The following P2RX7 variants were observed in gnomAD, a reference collection of about 807,000 sequenced individuals.
P2RX7 encodes the protein purinergic receptor P2X 7.
Under a neutral mutation model 71.6 loss-of-function variants are expected in P2RX7, and 62 were observed. The observed-to-expected ratio is 0.87, with a 90% CI of 0.71 to 1.07. P2RX7 has a LOEUF of 1.07. P2RX7 is among the 50% of genes least tolerant of loss of function. P2RX7 has a pLI of 0.00. For missense variants in P2RX7, 686 were observed against 748.5 expected (o/e 0.92, Z 0.97); for synonymous variants, 299 against 283.3 (o/e 1.06, Z -0.56).
At chr12:121,178,902 A>G (rs1246127487) in intron 11 of P2RX7, among the ~76,000 whole-genome samples, 1 of 151,962 alleles carries the variant, frequency 6.6e-6, no homozygotes, top group Admixed American at 6.6e-5. Flanking sequence ...TATGATATAT[A>G]GGTTAAAAAA....
chr12:121,177,687 C>CAGTT (rs1883390973), intron 11 of P2RX7, among the ~76,000 whole-genome samples: 1 of 142,340 alleles, frequency 7.0e-6, no homozygotes, highest in Non-Finnish European at 1.5e-5. Context: ...CCAATTTTGT[C>CAGTT]ATTTATTTAT....
rs547606615 is a variant in P2RX7, at chr12:121,141,080, C to CATAA, written c.125+8001_125+8004dup. 2.1e-3 allele frequency among the ~76,000 whole-genome samples: 313 copies of CATAA among 152,018 alleles called. 1 individual carries two copies. Among genetic ancestry groups the CATAA allele is most frequent in the Non-Finnish European group, 3.6e-3 (245 of 67,958 alleles). On this transcript the variant is annotated intron_variant, in intron 1 of 12. Transcript: ENST00000328963. ...CAGCCTGGGCAACAGAGTGAGACCCCATAAATAAATAAATAAATACATAAA... is the reference window on the plus strand; with the variant it reads ...CAGCCTGGGCAACAGAGTGAGACCCCATAAATAAATAAATAAATAAATACATAAA...
intron 4 of P2RX7, 78 bp downstream of exon 4, chr12:121,161,052 G>T: frequency 9.3e-7 from 1 of 1,078,708 alleles, no homozygotes; most frequent in Non-Finnish European, 1.4e-6. Flanking sequence ...GCCCAGGTCA[G>T]GTCTTCAGCC....
At chr12:121,152,043 G>A (rs570357481) in intron 1 of P2RX7, among the ~76,000 whole-genome samples, 1 of 150,616 alleles carries the variant, frequency 6.6e-6, no homozygotes, top group Admixed American at 6.6e-5. Flanking sequence ...GCAGTAATGT[G>A]ACCTTGGCCC....
chr12:121,159,212 T>C (rs1037729179), intron 3 of P2RX7, among the ~76,000 whole-genome samples: 1 of 151,256 alleles, frequency 6.6e-6, no homozygotes, highest in Non-Finnish European at 1.5e-5. Flanking sequence ...AGGTCAGGAG[T>C]TCAAGACCAG....
At chr12:121,174,311 G>A (rs1440377722) in intron 8 of P2RX7, among the ~76,000 whole-genome samples, 2 of 151,988 alleles carry the variant, frequency 1.3e-5, no homozygotes, top group African/African-American at 2.4e-5. Flanking sequence ...GCCTCCCAAA[G>A]TGCTGGGATT....
In P2RX7 at chr12:121,154,911, G is replaced by T; in HGVS notation, c.252G>T (p.Val84=). ...TGGAGAATGGAGTGAAGAAGTTGGT[G>T]CACAGTGTCTTTGACACCGCAGACT... is the stretch of plus-strand genomic sequence containing the variant. ...EIVENGVKKL[V]HSVFDTADYT... The change falls in exon 2 of 13, where the codon GTG becomes GTT. Residue 84 remains valine, a synonymous_variant. Transcript: ENST00000328963. The surrounding 1 kb of genome is among the most constrained non-coding windows in gnomAD (Gnocchi z 4.2). The T allele has an allele frequency of 6.2e-7, 1 of 1,613,492 alleles. No homozygotes were observed. The highest frequency in any genetic ancestry group is 1.3e-5 in the African/African-American group (1 of 74,852).
intron 1 of P2RX7, among the ~76,000 whole-genome samples, chr12:121,146,531 AT>A (rs1376423741): frequency 3.3e-5 from 5 of 151,792 alleles, no homozygotes; most frequent in Non-Finnish European, 7.4e-5. Context: ...ACCTCCAGTG[AT>A]CCCCCTGCCT....
chr12:121,184,598 C>T lies in P2RX7; in HGVS notation c.1584C>T (p.Leu528=). 1 of 1,613,768 alleles carries T rather than the reference C, an allele frequency of 6.2e-7. No homozygotes were observed. Among genetic ancestry groups the T allele is most frequent in the East Asian group, 2.2e-5 (1 of 44,868 alleles). ...GACACGTCCTGCAGTTCCTCCTGCT[C>T]TACCAGGAGCCCTTGCTGGCGCTGG... The part of the protein sequence containing the change: ...LSRHVLQFLL[L]YQEPLLALDV... The change falls in exon 13 of 13, where the codon CTC becomes CTT. Residue 528 remains leucine (L), a synonymous_variant. Transcript: ENST00000328963.
intron 1 of P2RX7, chr12:121,148,944 G>C: frequency 7.2e-6 from 3 of 414,582 alleles, no homozygotes; most frequent in South Asian, 5.8e-5. Flanking sequence ...TGAGCTAAGA[G>C]ATACAAGGGA....
chr12:121,133,184 T>G, intron 1 of P2RX7, 89 bp downstream of exon 1: 1 of 1,453,686 alleles, frequency 6.9e-7, no homozygotes, highest in Non-Finnish European at 9.6e-7. Flanking sequence ...ACATTCTGAA[T>G]CTCACATGGT....
In P2RX7 at chr12:121,169,583, T is replaced by C. The variant is rs981722166; in HGVS notation, c.881+1959T>C. ...CTTAAATGTGTTTCTGTTTCTGTTT[T>C]TTTGTTTTTTGGTCTGCATGATGTT... is the stretch of plus-strand genomic sequence containing the variant. On this transcript the variant is annotated intron_variant, in intron 8 of 12. Coordinates refer to ENST00000328963, the MANE Select transcript of P2RX7 (RefSeq NM_002562.6). Among the ~76,000 whole-genome samples the C allele has an allele frequency of 2.6e-5, 4 of 152,152 alleles. No homozygotes were observed. In the South Asian group the frequency reaches 8.3e-4, roughly 32 times the overall value.
rs1421062284 is a variant in P2RX7, at chr12:121,184,709, C to CT, written c.1698dup (p.Ala567CysfsTer19). On this transcript the variant is annotated frameshift_variant, in exon 13 of 13. Coordinates refer to ENST00000328963, the MANE Select transcript of P2RX7 (RefSeq NM_002562.6). LOFTEE classifies it high-confidence loss of function. The stretch of plus-strand genomic sequence containing the variant: ...GCTTCGGCTCCCAGGACATGGCTGA[C>CT]TTTGCCATCCTGCCCAGCTGCTGCC... 2 of 1,564,950 alleles carry CT rather than the reference C, an allele frequency of 1.3e-6. No homozygotes were observed. The highest frequency in any genetic ancestry group is 1.7e-6 in the Non-Finnish European group (2 of 1,154,498).
At chr12:121,143,695 C>G (rs1036922130) in intron 1 of P2RX7, among the ~76,000 whole-genome samples, 1 of 151,868 alleles carries the variant, frequency 6.6e-6, no homozygotes, top group African/African-American at 2.4e-5. Context: ...ACTAAAAATA[C>G]AAAAATTAGC....
intron 1 of P2RX7, among the ~76,000 whole-genome samples, chr12:121,145,077 A>G (rs1173084125): frequency 6.6e-6 from 1 of 152,192 alleles, no homozygotes; most frequent in Admixed American, 6.5e-5. Flanking sequence ...ATAGACGGCA[A>G]CCAGAACCCT....
chr12:121,177,574 C>G (rs796463225), intron 11 of P2RX7, 128 bp downstream of exon 11: 12 of 845,800 alleles, frequency 1.4e-5, no homozygotes, highest in East Asian at 7.6e-5. Flanking sequence ...GGTTCTACCC[C>G]GATCAACCAA....
chr12:121,161,940 A>C (rs1370368457), intron 4 of P2RX7, among the ~76,000 whole-genome samples: 5 of 152,180 alleles, frequency 3.3e-5, no homozygotes, highest in African/African-American at 1.2e-4. Context: ...AGTTAGTATA[A>C]AAGTTATTTT....
intron 7 of P2RX7, 151 bp downstream of exon 7, chr12:121,166,338 C>T: frequency 1.3e-6 from 1 of 769,434 alleles, no homozygotes; most frequent in East Asian, 2.6e-5. Context: ...AAGGACTTTA[C>T]CTACCATACC....
chr12:121,146,306 T>TA (rs1402915938), intron 1 of P2RX7, among the ~76,000 whole-genome samples: 1 of 140,614 alleles, frequency 7.1e-6, no homozygotes, highest in Non-Finnish European at 1.5e-5. Flanking sequence ...TTTTTTTTTT[T>TA]TTTTTTTTTT....
Sources: allele counts gnomAD v4.1 joint callset (sites outside exome capture counted in the v4.1 genomes callset), GRCh38; gene constraint gnomAD v4.1.1; non-coding constraint Gnocchi (gnomAD v3.1); transcripts MANE v1.5; gene names NCBI Gene and HGNC (gene_info 2026-07-23, HGNC 2026-07-21).